CDH15: variants seen among roughly 807,000 people sequenced by gnomAD.
The protein encoded by CDH15 is cadherin-15.
A neutral mutation model predicts 69.4 loss-of-function variants in CDH15; 73 were observed. The observed-to-expected ratio is 1.05, with a 90% CI of 0.87 to 1.28. The LOEUF is 1.28. CDH15 is among the 50% of genes most tolerant of loss of function. The pLI is 0.00. For synonymous variants in CDH15, 624 were observed against 507.7 expected (o/e 1.23, Z -3.08); for missense variants, 1,343 against 1,133.6 (o/e 1.18, Z -2.65).
chr16:89,192,099 C>T (rs1236538339), intron 10 of CDH15, 106 bp from the exon 11 acceptor site: 2 of 1,392,890 alleles, frequency 1.4e-6, no homozygotes, highest in Non-Finnish European at 1.9e-6. Context: ...GTGGGGGGGA[C>T]CCAGGCCCAG....
At chr16:89,184,862 AG>A (rs1271521378) in intron 4 of CDH15, among the ~76,000 whole-genome samples, 1 of 152,192 alleles carries the variant, frequency 6.6e-6, no homozygotes, top group Non-Finnish European at 1.5e-5. Context: ...CACCTGACCC[AG>A]GTCGCATCCA....
At chr16:89,191,222 T>C (rs1001368425) in intron 8 of CDH15, 108 bp from the exon 9 acceptor site, 2 of 1,255,832 alleles carry the variant, frequency 1.6e-6, no homozygotes, top group African/African-American at 1.5e-5. Context: ...ATGTGGTATG[T>C]ATGTGTGTGC....
intron 3 of CDH15, 70 bp downstream of exon 3, chr16:89,180,425 C>G: frequency 2.4e-5 from 36 of 1,524,104 alleles, no homozygotes; most frequent in Non-Finnish European, 3.2e-5. Flanking sequence ...CCCTCCTCCC[C>G]ACCAGGCTTC....
At chr16:89,189,338 GATGCC>G (rs1915586224) in intron 7 of CDH15, among the ~76,000 whole-genome samples, 1 of 137,836 alleles carries the variant, frequency 7.3e-6, no homozygotes, top group South Asian at 2.4e-4. Flanking sequence ...GGCACACACA[GATGCC>G]CACACACAGA....
intron 11 of CDH15, 57 bp downstream of exon 11, chr16:89,192,501 G>T: frequency 1.9e-6 from 3 of 1,543,456 alleles, no homozygotes; most frequent in Non-Finnish European, 2.6e-6. Context: ...CTCCTCCCCA[G>T]GCCGTCCCCT....
chr16:89,172,024 G>A, intron 1 of CDH15, 151 bp downstream of exon 1: 1 of 740,802 alleles, frequency 1.3e-6, no homozygotes, highest in Non-Finnish European at 2.2e-6. Flanking sequence ...GTGGGTCCCT[G>A]GGCTGGGGGC....
In CDH15 at chr16:89,179,525, C is replaced by T. The variant is rs373204916; in HGVS notation, c.152C>T (p.Pro51Leu). The change falls in exon 2 of 14, where the codon CCG becomes CTG. Residue 51 changes from proline (P) to leucine (L), a missense_variant. Transcript: ENST00000289746. ...SRVRRAWVIPPISVSENHKRL... is the reference protein window; with the variant it reads ...SRVRRAWVIPLISVSENHKRL... ...GTGCGGAGGGCCTGGGTCATCCCCC[C>T]GATCAGCGTATCCGAGAACCACAAG... 3.1e-5 allele frequency: 50 copies of T among 1,612,102 alleles called. No individual in the cohort carries two copies. In the African/African-American group the frequency reaches 3.5e-4, roughly 11 times the overall value.
chr16:89,173,102 AC>A (rs533255337), intron 1 of CDH15, among the ~76,000 whole-genome samples: 11 of 151,814 alleles, frequency 7.2e-5, no homozygotes, highest in African/African-American at 2.2e-4. Context: ...GGCTCCTGCC[AC>A]CCCCGACTCC....
At chr16:89,179,230 C>T (rs555124758) in intron 1 of CDH15, among the ~76,000 whole-genome samples, 186 bp from the exon 2 acceptor site, 7 of 152,338 alleles carry the variant, frequency 4.6e-5, no homozygotes, top group South Asian at 2.1e-4. Flanking sequence ...GCGGGGCTCA[C>T]GTGCCTTTGC....
Position 89,195,024 on chromosome 16 carries a change from C to A in CDH15, c.2314C>A (p.Arg772Ser). The A allele has an allele frequency of 6.2e-7, 1 of 1,612,268 alleles. No homozygotes were observed. The highest frequency in any genetic ancestry group is 8.5e-7 in the Non-Finnish European group (1 of 1,179,768). Residue 772 changes from arginine (R) to serine (S), a missense_variant, in exon 14 of 14, where the codon CGC becomes AGC. Transcript: ENST00000289746. ...DYDYLRDWGP[R>S]FARLADMYGH... Reference sequence around the variant, plus strand: ...CGACTACCTCAGAGACTGGGGGCCCCGCTTCGCCCGGCTGGCAGACATGTA... The same window carrying A: ...CGACTACCTCAGAGACTGGGGGCCCAGCTTCGCCCGGCTGGCAGACATGTA...
At position 89,190,265 on chromosome 16, in the gene CDH15, A is replaced by G. The variant is rs1262412473; in HGVS notation, c.1001A>G (p.Glu334Gly). 3 of 1,612,720 alleles carry G rather than the reference A, an allele frequency of 1.9e-6. No individual in the cohort carries two copies. Among genetic ancestry groups the G allele is most frequent in the Non-Finnish European group, 2.5e-6 (3 of 1,179,890 alleles). ...CAGGCCCTGGACTATGAGAGCTGTG[A>G]ACACTACGAACTCAAAGTGTCGGTG... ...IVKALDYESCEHYELKVSVQN... is the reference protein window; with the variant it reads ...IVKALDYESCGHYELKVSVQN... Residue 334 changes from glutamate to glycine, a missense_variant, in exon 8 of 14, where the codon GAA (glutamate) becomes GGA (glycine). Transcript: ENST00000289746.
At chr16:89,193,701 T>C in intron 12 of CDH15, 54 bp from the exon 13 acceptor site, 1 of 1,581,500 alleles carries the variant, frequency 6.3e-7, no homozygotes, top group South Asian at 1.1e-5. Context: ...ACCTGAGACC[T>C]CCACCAGGGC....
intron 1 of CDH15, among the ~76,000 whole-genome samples, chr16:89,173,233 C>A (rs1241230710): frequency 6.6e-6 from 1 of 152,204 alleles, no homozygotes; most frequent in Non-Finnish European, 1.5e-5. Context: ...GCCTCCAGGG[C>A]CCTTCCCCAC....
At chr16:89,172,838 C>T (rs1016489501) in intron 1 of CDH15, among the ~76,000 whole-genome samples, 2 of 152,158 alleles carry the variant, frequency 1.3e-5, no homozygotes, top group African/African-American at 4.8e-5. Flanking sequence ...CTGGCCAATT[C>T]GAGAGAGAAT....
In CDH15 at chr16:89,191,507, T is replaced by C. The variant is rs80175346; in HGVS notation, c.1375+35T>C. ...GCCGCCGGCTTGGGGCTCCCTGACC[T>C]GGCCTTGTCCCGGCTGAGCACCCCT... On this transcript the variant is annotated intron_variant, in intron 9 of 13. Transcript: ENST00000289746. 15,443 of 1,608,756 alleles carry C rather than the reference T, an allele frequency of 9.6e-3. 783 individuals carry two copies. The East Asian group carries it at 0.15, about 16-fold the overall frequency.
At position 89,188,288 on chromosome 16, in the gene CDH15, G is replaced by A; in HGVS notation, c.978+3G>A. 2 of 1,612,664 alleles carry A rather than the reference G, an allele frequency of 1.2e-6. No individual in the cohort carries two copies. Among genetic ancestry groups the A allele is most frequent in the Non-Finnish European group, 1.7e-6 (2 of 1,179,654 alleles). On this transcript the variant is annotated splice_donor_region_variant and intron_variant, in intron 7 of 13. Transcript: ENST00000289746. Reference sequence around the variant, plus strand: ...AGGGTGTTCTGTCCATTGTGAAGGTGAGCGGCCCCCGGCTGGCACACAGAT... The same window carrying A: ...AGGGTGTTCTGTCCATTGTGAAGGTAAGCGGCCCCCGGCTGGCACACAGAT...
intron 9 of CDH15, 30 bp downstream of exon 9, chr16:89,191,502 T>G (rs1452301510): frequency 1.9e-6 from 3 of 1,609,604 alleles, no homozygotes; most frequent in Non-Finnish European, 2.5e-6. Flanking sequence ...TGGGGCTCCC[T>G]GACCTGGCCT....
chr16:89,194,784 T>G, intron 13 of CDH15, 78 bp from the exon 14 acceptor site: 1 of 1,433,696 alleles, frequency 7.0e-7, no homozygotes. Context: ...GAGCTGACTT[T>G]GCCCTGGGCT....
chr16:89,179,493 G>C lies in CDH15; in HGVS notation c.120G>C (p.Leu40=), dbSNP rs762198594. ...TLYPWRRAPA[L]SRVRRAWVIP... Reference sequence around the variant, plus strand: ...ACCCCTGGCGCCGGGCGCCTGCCCTGAGCCGCGTGCGGAGGGCCTGGGTCA... The same window carrying C: ...ACCCCTGGCGCCGGGCGCCTGCCCTCAGCCGCGTGCGGAGGGCCTGGGTCA... The change falls in exon 2 of 14, where the codon CTG becomes CTC. Residue 40 remains leucine (L), a synonymous_variant. Transcript: ENST00000289746. 3 of 1,613,474 alleles carry C rather than the reference G, an allele frequency of 1.9e-6. No individual in the cohort carries two copies. Among genetic ancestry groups the C allele is most frequent in the Admixed American group, 1.7e-5 (1 of 60,014 alleles).
Sources: gnomAD v4.1 joint callset for allele counts (sites outside exome capture counted in the v4.1 genomes callset) on GRCh38, gnomAD v4.1.1 for gene constraint, MANE v1.5 for transcripts, NCBI Gene and HGNC (gene_info 2026-07-23, HGNC 2026-07-21) for gene names.